Variants in PEX14 observed in about 807,000 individuals in gnomAD.
PEX14 encodes the protein peroxisomal biogenesis factor 14, also known as peroxisomal membrane protein PEX14.
Under a neutral mutation model 49.5 loss-of-function variants are expected in PEX14, and 15 were observed. The observed-to-expected ratio is 0.30, with a 90% CI of 0.20 to 0.47. The LOEUF is 0.47. Among genes scored for constraint, PEX14 ranks in the 20% least tolerant of loss-of-function variants. The pLI is 1.00. For synonymous variants in PEX14, 210 were observed against 212.7 expected (o/e 0.99, Z 0.11); for missense variants, 398 against 494.8 (o/e 0.80, Z 1.86).
At chr1:10,611,469 A>G (rs977963492) in intron 4 of PEX14, among the ~76,000 whole-genome samples, 11 of 152,246 alleles carry the variant, frequency 7.2e-5, no homozygotes, top group African/African-American at 1.9e-4. Context: ...ACATTCATGT[A>G]TAAATCTTTA....
intron 3 of PEX14, among the ~76,000 whole-genome samples, chr1:10,554,167 G>A (rs1639416964): frequency 6.6e-6 from 1 of 151,412 alleles, no homozygotes; most frequent in Admixed American, 6.6e-5. Context: ...AGCCGGGCAT[G>A]GTGGTGGGCA....
At chr1:10,496,252 A>C (rs1473398783) in intron 2 of PEX14, among the ~76,000 whole-genome samples, 1 of 152,204 alleles carries the variant, frequency 6.6e-6, no homozygotes, top group African/African-American at 2.4e-5. Context: ...TGATACAAGC[A>C]CTGCTGGGAC....
At position 10,597,810 on chromosome 1, in the gene PEX14, A is replaced by C. The variant is rs1452748480; in HGVS notation, c.170-1428A>C. On this transcript the variant is annotated intron_variant, in intron 3 of 8. Coordinates refer to ENST00000356607, the MANE Select transcript of PEX14 (RefSeq NM_004565.3). The surrounding 1 kb of genome is among the most constrained non-coding windows in gnomAD (Gnocchi z 5.7). ...CTCAACTCCTCAGCACAGAGAAGGG[A>C]AAAAAGAGTCCAGGGCTGTTTAGAA... Among the ~76,000 whole-genome samples the C allele has an allele frequency of 4.6e-5, 7 of 152,204 alleles. No homozygotes were observed. In the South Asian group the frequency reaches 6.2e-4, roughly 13 times the overall value.
At chr1:10,541,967 G>GATT (rs1283910969) in intron 3 of PEX14, among the ~76,000 whole-genome samples, 2 of 152,058 alleles carry the variant, frequency 1.3e-5, no homozygotes, top group Non-Finnish European at 2.9e-5. Context: ...GATTTACCCA[G>GATT]TTACTTTTAT....
chr1:10,475,750 G>A (rs1374465608), intron 1 of PEX14, among the ~76,000 whole-genome samples: 5 of 152,218 alleles, frequency 3.3e-5, no homozygotes, highest in Non-Finnish European at 5.9e-5. Context: ...GGTCTCCGAA[G>A]GGGTTTATAG....
chr1:10,574,297 T>C (rs1303921641), intron 3 of PEX14, among the ~76,000 whole-genome samples: 2 of 152,182 alleles, frequency 1.3e-5, no homozygotes, highest in Admixed American at 1.3e-4. Flanking sequence ...ACATATATTT[T>C]TATGAAGTTC....
At chr1:10,523,407 G>A (rs1389837104) in intron 2 of PEX14, among the ~76,000 whole-genome samples, 1 of 152,120 alleles carries the variant, frequency 6.6e-6, no homozygotes, top group African/African-American at 2.4e-5. Flanking sequence ...AGCTTGGAGA[G>A]ATGAAATCTG....
intron 3 of PEX14, among the ~76,000 whole-genome samples, chr1:10,579,937 A>G (rs1245868455): frequency 6.6e-6 from 1 of 151,934 alleles, no homozygotes; most frequent in Non-Finnish European, 1.5e-5. Context: ...TTTCAGCCTC[A>G]TTTTACCCAG....
chr1:10,528,445 A>G (rs1200333679), intron 2 of PEX14: 1 of 219,020 alleles, frequency 4.6e-6, no homozygotes, highest in Non-Finnish European at 7.7e-6. Flanking sequence ...TGTTATCATT[A>G]GGGAGGTGCT....
chr1:10,560,902 G>T (rs1201744352), intron 3 of PEX14, among the ~76,000 whole-genome samples: 2 of 151,828 alleles, frequency 1.3e-5, no homozygotes, highest in African/African-American at 4.8e-5. Flanking sequence ...ATTTTTAGTA[G>T]AGGCGGGGTT....
chr1:10,617,677 G>A (rs545240745), intron 4 of PEX14, among the ~76,000 whole-genome samples: 2 of 151,408 alleles, frequency 1.3e-5, no homozygotes, highest in Admixed American at 1.3e-4. Context: ...GCTCCTCCAA[G>A]GCCCTGCTGA....
intron 3 of PEX14, among the ~76,000 whole-genome samples, chr1:10,572,948 A>G (rs2124553480): frequency 6.6e-6 from 1 of 152,338 alleles, no homozygotes. Context: ...GCTATCAGGT[A>G]TAGCCTATTG....
intron 5 of PEX14, among the ~76,000 whole-genome samples, chr1:10,620,550 G>A (rs980807864): frequency 2.6e-5 from 4 of 152,128 alleles, no homozygotes; most frequent in Admixed American, 6.5e-5. Flanking sequence ...GACTTTGGGA[G>A]GCTGAGGTGG....
intron 3 of PEX14, among the ~76,000 whole-genome samples, chr1:10,587,875 CAT>C (rs1006291294): frequency 7.3e-6 from 1 of 136,966 alleles, no homozygotes; most frequent in Non-Finnish European, 1.5e-5. Flanking sequence ...TACGGACACA[CAT>C]ATGTATACAC....
intron 2 of PEX14, among the ~76,000 whole-genome samples, chr1:10,500,605 C>T (rs1211847465): frequency 2.6e-5 from 4 of 151,846 alleles, no homozygotes; most frequent in African/African-American, 4.8e-5. Flanking sequence ...AGCGGTGTCT[C>T]GCTGTGTCAC....
chr1:10,549,166 A>G (rs530410763), intron 3 of PEX14, among the ~76,000 whole-genome samples: 1 of 152,346 alleles, frequency 6.6e-6, no homozygotes, highest in South Asian at 2.1e-4. Context: ...TAAATTAAAT[A>G]TCACAACCAC....
chr1:10,608,460 G>A (rs577843764), intron 4 of PEX14, among the ~76,000 whole-genome samples: 86 of 152,200 alleles, frequency 5.7e-4, no homozygotes, highest in African/African-American at 1.9e-3. Context: ...TCAGGAGTTC[G>A]AGACCAGCCT....
At chr1:10,588,814 T>C (rs1640575947) in intron 3 of PEX14, among the ~76,000 whole-genome samples, 1 of 152,172 alleles carries the variant, frequency 6.6e-6, no homozygotes, top group Non-Finnish European at 1.5e-5. Context: ...CGTAAAGTGC[T>C]TCCTTTAAGT....
At chr1:10,581,070 G>A (rs1640301205) in intron 3 of PEX14, among the ~76,000 whole-genome samples, 3 of 152,018 alleles carry the variant, frequency 2.0e-5, no homozygotes, top group South Asian at 2.1e-4. Flanking sequence ...CTATTGATAT[G>A]AGCGACAAAG....
Sources: gnomAD v4.1 joint callset for allele counts (sites outside exome capture counted in the v4.1 genomes callset) on GRCh38, gnomAD v4.1.1 for gene constraint, Gnocchi (gnomAD v3.1) non-coding constraint, MANE v1.5 for transcripts, NCBI Gene and HGNC (gene_info 2026-07-23, HGNC 2026-07-21) for gene names.